The following ZNF407 variants were observed in gnomAD, a reference collection of about 807,000 sequenced individuals.
The protein encoded by ZNF407 is zinc finger protein 407.
A neutral mutation model predicts 131.2 loss-of-function variants in ZNF407; 17 were observed. The ratio of observed to expected loss-of-function variants is 0.13; its 90% CI spans 0.09 to 0.19. The LOEUF (loss-of-function observed/expected upper bound fraction) is 0.19. Ranked by LOEUF, ZNF407 falls within the 10% of genes least tolerant of loss-of-function variation. The pLI, the probability that ZNF407 is intolerant of heterozygous loss-of-function variation, is 1.00. For missense variants in ZNF407, 2,681 were observed against 2,830.6 expected (o/e 0.95, Z 1.20); for synonymous variants, 1,156 against 1,062.0 (o/e 1.09, Z -1.72).
intron 3 of ZNF407, among the ~76,000 whole-genome samples, chr18:74,725,400 A>G (rs1968133355): frequency 6.6e-6 from 1 of 152,242 alleles, no homozygotes; most frequent in African/African-American, 2.4e-5. Context: ...TATTTTATAT[A>G]GATTCACAAA....
At chr18:74,853,209 A>G (rs1444344444) in intron 4 of ZNF407, among the ~76,000 whole-genome samples, 1 of 152,190 alleles carries the variant, frequency 6.6e-6, no homozygotes, top group African/African-American at 2.4e-5. Flanking sequence ...CCTAGCCACT[A>G]CTGTTGTCTT....
chr18:74,615,633 G>T (rs1195308967), intron 1 of ZNF407, among the ~76,000 whole-genome samples: 3 of 152,204 alleles, frequency 2.0e-5, no homozygotes, highest in African/African-American at 7.2e-5. Flanking sequence ...GCAGATTATG[G>T]ATTTGAAGAA....
intron 8 of ZNF407, among the ~76,000 whole-genome samples, chr18:74,987,807 A>G (rs1368669797): frequency 6.6e-6 from 1 of 152,228 alleles, no homozygotes; most frequent in Non-Finnish European, 1.5e-5. Flanking sequence ...GGAGTTAAAG[A>G]AGACCAAGAT....
intron 8 of ZNF407, among the ~76,000 whole-genome samples, chr18:75,058,667 A>G (rs1487507139): frequency 1.3e-5 from 2 of 152,188 alleles, no homozygotes; most frequent in Non-Finnish European, 2.9e-5. Flanking sequence ...AACCTGTACC[A>G]CGTGCCTGTT....
chr18:74,621,468 C>T (rs563863064), intron 1 of ZNF407, among the ~76,000 whole-genome samples: 2 of 152,236 alleles, frequency 1.3e-5, no homozygotes, highest in African/African-American at 4.8e-5. Flanking sequence ...GCTGGAGGAT[C>T]TGCTACCGAG....
intron 1 of ZNF407, among the ~76,000 whole-genome samples, chr18:74,608,355 C>CTT (rs375136326): frequency 6.8e-6 from 1 of 146,498 alleles, no homozygotes; most frequent in African/African-American, 2.5e-5. Context: ...TTTTAGATTT[C>CTT]TTTTTTTTTT....
chr18:74,791,505 C>G (rs1969825166), intron 4 of ZNF407, among the ~76,000 whole-genome samples: 3 of 152,294 alleles, frequency 2.0e-5, no homozygotes, highest in African/African-American at 7.2e-5. Context: ...GAAGCAATCT[C>G]ACCTTGGTGA....
At chr18:74,734,671 T>TTGTGTGTGTG (rs200073035) in intron 3 of ZNF407, among the ~76,000 whole-genome samples, 209 of 138,968 alleles carry the variant, frequency 1.5e-3, no homozygotes, top group African/African-American at 5.4e-3. Flanking sequence ...GAGTTTCAAT[T>TTGTGTGTGTG]TGTGTGTGTG....
intron 3 of ZNF407, among the ~76,000 whole-genome samples, chr18:74,694,915 A>G (rs1967315544): frequency 1.3e-5 from 2 of 152,194 alleles, no homozygotes; most frequent in East Asian, 1.9e-4. Flanking sequence ...ACAATTCTGT[A>G]TAATGGTATT....
intron 1 of ZNF407, among the ~76,000 whole-genome samples, chr18:74,617,256 A>G (rs1983358086): frequency 6.6e-6 from 1 of 151,716 alleles, no homozygotes; most frequent in African/African-American, 2.4e-5. Flanking sequence ...TTTACCCATA[A>G]ACACTCAGTC....
At chr18:74,668,490 G>T (rs957163464) in intron 3 of ZNF407, among the ~76,000 whole-genome samples, 1 of 152,054 alleles carries the variant, frequency 6.6e-6, no homozygotes, top group Non-Finnish European at 1.5e-5. Flanking sequence ...TAAAGTTTGC[G>T]TGTATAACCC....
intron 8 of ZNF407, among the ~76,000 whole-genome samples, chr18:75,012,326 GTGTA>G (rs1241941658): frequency 4.0e-5 from 4 of 99,896 alleles, no homozygotes; most frequent in African/African-American, 1.4e-4. Context: ...TGTACACATA[GTGTA>G]TGTACACATA....
intron 4 of ZNF407, among the ~76,000 whole-genome samples, chr18:74,794,814 C>T (rs974256387): frequency 2.0e-5 from 3 of 152,066 alleles, no homozygotes; most frequent in African/African-American, 4.8e-5. Context: ...GAGTTGCATA[C>T]GATGCTTAAT....
chr18:74,916,945 T>G (rs1327601113), intron 7 of ZNF407, among the ~76,000 whole-genome samples: 1 of 152,118 alleles, frequency 6.6e-6, no homozygotes, highest in African/African-American at 2.4e-5. Flanking sequence ...CTTACTGAGG[T>G]AAAGGCCCAT....
chr18:74,663,486 G>A (rs1049366469), intron 3 of ZNF407, among the ~76,000 whole-genome samples: 6 of 152,110 alleles, frequency 3.9e-5, no homozygotes, highest in African/African-American at 1.4e-4. Context: ...AAGAGTAAAT[G>A]TAAGGTCCTA....
At chr18:74,838,612 T>C (rs1599187629) in intron 4 of ZNF407, among the ~76,000 whole-genome samples, 2 of 152,320 alleles carry the variant, frequency 1.3e-5, no homozygotes, top group South Asian at 2.1e-4. Flanking sequence ...TTTTAATGTG[T>C]GTATGTACTT....
intron 3 of ZNF407, among the ~76,000 whole-genome samples, chr18:74,734,022 C>G (rs1968352393): frequency 6.6e-6 from 1 of 151,892 alleles, no homozygotes; most frequent in African/African-American, 2.4e-5. Context: ...TGCTCTTGTC[C>G]CCTCTCGGTA....
intron 8 of ZNF407, among the ~76,000 whole-genome samples, chr18:74,965,513 G>A (rs1972399738): frequency 6.6e-6 from 1 of 152,102 alleles, no homozygotes; most frequent in South Asian, 2.1e-4. Context: ...TGGCTGTATA[G>A]TACTCCATTG....
At chr18:74,915,094 C>CAT (rs1430129279) in intron 7 of ZNF407, among the ~76,000 whole-genome samples, 1 of 152,078 alleles carries the variant, frequency 6.6e-6, no homozygotes, top group Admixed American at 6.6e-5. Context: ...CACCAAGATA[C>CAT]ATATAGATGG....
Sources: allele counts gnomAD v4.1 joint callset (sites outside exome capture counted in the v4.1 genomes callset), GRCh38; gene constraint gnomAD v4.1.1; transcripts MANE v1.5; gene names NCBI Gene and HGNC (gene_info 2026-07-23, HGNC 2026-07-21).